The following NCK2 variants were observed in gnomAD, a reference collection of about 807,000 sequenced individuals.
NCK2 encodes NCK adaptor protein 2.
A neutral mutation model predicts 33.9 loss-of-function variants in NCK2; 16 were observed. The observed-to-expected ratio is 0.47, with a 90% CI of 0.32 to 0.72. NCK2 has a LOEUF of 0.72. NCK2 is among the 30% of genes least tolerant of loss of function. The pLI is 0.03. For synonymous variants in NCK2, 273 were observed against 239.9 expected (o/e 1.14, Z -1.27); for missense variants, 418 against 537.3 (o/e 0.78, Z 2.19).
chr2:105,888,128 C>T (rs538908756), intron 4 of NCK2, among the ~76,000 whole-genome samples: 7 of 152,234 alleles, frequency 4.6e-5, no homozygotes, highest in African/African-American at 7.2e-5. Flanking sequence ...ATAGAGGCCC[C>T]GAGAGAGGTT....
chr2:105,819,203 A>G (rs1477543206), intron 2 of NCK2, among the ~76,000 whole-genome samples: 3 of 152,010 alleles, frequency 2.0e-5, no homozygotes, highest in African/African-American at 7.3e-5. Flanking sequence ...TTCATAGGGC[A>G]TTCCCAGGTC....
chr2:105,794,650 T>G (rs1171472211), intron 1 of NCK2, among the ~76,000 whole-genome samples: 1 of 152,086 alleles, frequency 6.6e-6, no homozygotes, highest in Admixed American at 6.5e-5. Flanking sequence ...GTTTGTTTCA[T>G]TCTGCTTTTA....
intron 1 of NCK2, among the ~76,000 whole-genome samples, chr2:105,800,914 T>G (rs1410881127): frequency 6.6e-6 from 1 of 152,186 alleles, no homozygotes; most frequent in East Asian, 1.9e-4. Flanking sequence ...TCCAGGTGGT[T>G]GGCAGAAGCC....
intron 1 of NCK2, among the ~76,000 whole-genome samples, chr2:105,813,646 C>T (rs1050284995): frequency 6.6e-6 from 1 of 152,216 alleles, no homozygotes; most frequent in East Asian, 1.9e-4. Context: ...CCTGGCCCTG[C>T]GCCTGGGACA....
chr2:105,807,988 C>T (rs918318644), intron 1 of NCK2, among the ~76,000 whole-genome samples: 2 of 151,856 alleles, frequency 1.3e-5, no homozygotes, highest in Non-Finnish European at 1.5e-5. Flanking sequence ...CTTTAGCCTC[C>T]GCCTCCTGGG....
At chr2:105,823,198 C>A (rs1006426349) in intron 2 of NCK2, among the ~76,000 whole-genome samples, 9 of 150,264 alleles carry the variant, frequency 6.0e-5, no homozygotes, top group Non-Finnish European at 1.2e-4. Flanking sequence ...TGTTGTAGGG[C>A]TTTTAGTAAA....
chr2:105,886,772 G>T (rs1047354551), intron 4 of NCK2, among the ~76,000 whole-genome samples: 13 of 152,216 alleles, frequency 8.5e-5, no homozygotes, highest in African/African-American at 1.4e-4. Context: ...TACATTTGGG[G>T]ATAGGGAGGG....
At chr2:105,842,233 C>T (rs919396997) in intron 2 of NCK2, among the ~76,000 whole-genome samples, 1 of 151,984 alleles carries the variant, frequency 6.6e-6, no homozygotes, top group African/African-American at 2.4e-5. Flanking sequence ...TTAAAGGATG[C>T]ACCACCATGC....
intron 3 of NCK2, among the ~76,000 whole-genome samples, chr2:105,861,472 C>T (rs1334376065): frequency 6.6e-6 from 1 of 151,146 alleles, no homozygotes; most frequent in African/African-American, 2.4e-5. Flanking sequence ...TAGCTACCTG[C>T]TGAAAGTGAT....
intron 1 of NCK2, among the ~76,000 whole-genome samples, chr2:105,761,433 C>T (rs561062679): frequency 6.6e-6 from 1 of 152,244 alleles, no homozygotes; most frequent in Non-Finnish European, 1.5e-5. Flanking sequence ...AGTGATGGGA[C>T]GATTCCAGGC....
At chr2:105,879,677 C>A (rs1382405023) in intron 3 of NCK2, among the ~76,000 whole-genome samples, 4 of 152,244 alleles carry the variant, frequency 2.6e-5, no homozygotes, top group Admixed American at 2.0e-4. Context: ...GCCGCGTGGG[C>A]ACATGTCCCA....
intron 1 of NCK2, among the ~76,000 whole-genome samples, chr2:105,815,718 T>C (rs1675453939): frequency 6.6e-6 from 1 of 152,188 alleles, no homozygotes; most frequent in Admixed American, 6.5e-5. Flanking sequence ...AGCCCAAGGC[T>C]ATGGGTCCGG....
chr2:105,747,804 T>G (rs1306931255), intron 1 of NCK2, among the ~76,000 whole-genome samples: 1 of 152,200 alleles, frequency 6.6e-6, no homozygotes, highest in African/African-American at 2.4e-5. Flanking sequence ...AGCTAAAATG[T>G]GATTTCGTGT....
chr2:105,794,490 T>C (rs917148309), intron 1 of NCK2, among the ~76,000 whole-genome samples: 1 of 152,068 alleles, frequency 6.6e-6, no homozygotes, highest in Admixed American at 6.6e-5. Flanking sequence ...ACCAATATAA[T>C]TGCAAACCAT....
intron 1 of NCK2, among the ~76,000 whole-genome samples, chr2:105,792,415 A>G (rs1690918395): frequency 6.6e-6 from 1 of 152,218 alleles, no homozygotes; most frequent in African/African-American, 2.4e-5. Flanking sequence ...AGTGAATTCC[A>G]GACATCAATT....
chr2:105,861,862 C>A (rs1573217660), intron 3 of NCK2, among the ~76,000 whole-genome samples: 1 of 151,426 alleles, frequency 6.6e-6, no homozygotes, highest in South Asian at 2.1e-4. Flanking sequence ...AAGAATCATG[C>A]TCAGCAATTT....
intron 3 of NCK2, among the ~76,000 whole-genome samples, chr2:105,858,254 G>GTTTGTT (rs1202934594): frequency 1.3e-5 from 2 of 151,960 alleles, no homozygotes; most frequent in East Asian, 3.9e-4. Flanking sequence ...ACTGACCACG[G>GTTTGTT]TTTGTTTTTG....
intron 1 of NCK2, among the ~76,000 whole-genome samples, chr2:105,759,454 A>G (rs1455445096): frequency 1.1e-5 from 1 of 92,560 alleles, no homozygotes; most frequent in Non-Finnish European, 2.1e-5. Flanking sequence ...TACCCTATGC[A>G]TACAGGCTTT....
chr2:105,833,018 A>T (rs868175032), intron 2 of NCK2, among the ~76,000 whole-genome samples: 54 of 142,426 alleles, frequency 3.8e-4, no homozygotes, highest in Middle Eastern at 7.1e-3. Context: ...TTTTTTTTTT[A>T]AATGGATTCA....
Sources: gnomAD v4.1 joint callset for allele counts (sites outside exome capture counted in the v4.1 genomes callset) on GRCh38, gnomAD v4.1.1 for gene constraint, MANE v1.5 for transcripts, NCBI Gene and HGNC (gene_info 2026-07-23, HGNC 2026-07-21) for gene names.